Variants in MAST2 observed in about 807,000 individuals in gnomAD.
MAST2 encodes the protein microtubule associated serine/threonine kinase 2, also known as microtubule-associated serine/threonine-protein kinase 2.
In MAST2, 70 loss-of-function variants were observed where a neutral mutation model predicts 147.4. That is an observed-to-expected ratio of 0.47 (90% CI 0.39 to 0.58). The LOEUF (loss-of-function observed/expected upper bound fraction) is 0.58. Among genes scored for constraint, MAST2 ranks in the 20% least tolerant of loss-of-function variants. MAST2 has a pLI of 0.00. For synonymous variants in MAST2, 869 were observed against 896.8 expected, an observed-to-expected ratio of 0.97 and a Z score of 0.55; for missense variants, 2,080 against 2,302.3, an observed-to-expected ratio of 0.90 and a Z score of 1.98.
intron 26 of MAST2, 122 bp from the exon 27 acceptor site, chr1:46,033,680 T>C (rs754768392): frequency 1.1e-5 from 14 of 1,231,132 alleles, no homozygotes; most frequent in Non-Finnish European, 1.6e-5. Flanking sequence ...GGTTCAGATG[T>C]GTTGGTGCAG....
At chr1:45,970,954 A>G (rs1190862302) in intron 5 of MAST2, among the ~76,000 whole-genome samples, 11 of 152,146 alleles carry the variant, frequency 7.2e-5, no homozygotes, top group Admixed American at 5.2e-4. Flanking sequence ...CTGTACCACA[A>G]TGTATTCATT....
At chr1:45,977,757 G>A (rs904269553) in intron 5 of MAST2, among the ~76,000 whole-genome samples, 8 of 143,936 alleles carry the variant, frequency 5.6e-5, no homozygotes, top group Non-Finnish European at 8.9e-5. Context: ...TCAAGATCGC[G>A]CCACTACACT....
intron 4 of MAST2, among the ~76,000 whole-genome samples, chr1:45,911,656 T>G (rs1438384684): frequency 6.6e-6 from 1 of 151,962 alleles, no homozygotes; most frequent in Admixed American, 6.6e-5. Context: ...TACTTACCAT[T>G]GGCATGATCT....
At chr1:45,848,331 G>C (rs186235661) in intron 3 of MAST2, among the ~76,000 whole-genome samples, 1 of 151,760 alleles carries the variant, frequency 6.6e-6, no homozygotes, top group African/African-American at 2.4e-5. Context: ...GTGACTTACT[G>C]TGCAAACAAT....
intron 1 of MAST2, among the ~76,000 whole-genome samples, chr1:45,821,042 G>A (rs1466806021): frequency 5.9e-5 from 9 of 151,630 alleles, no homozygotes. Flanking sequence ...TGGGACCACA[G>A]GTACATGTCA....
At chr1:45,828,613 C>T (rs972121890) in intron 2 of MAST2, among the ~76,000 whole-genome samples, 3 of 151,974 alleles carry the variant, frequency 2.0e-5, no homozygotes, top group African/African-American at 4.8e-5. Flanking sequence ...AGAAATGAGA[C>T]CTTCACCTCA....
intron 4 of MAST2, among the ~76,000 whole-genome samples, chr1:45,937,756 A>C (rs1442258542): frequency 2.8e-5 from 1 of 35,816 alleles, no homozygotes; most frequent in East Asian, 4.6e-4. Context: ...CATCTCAAAA[A>C]AAAAAAAAAA....
At chr1:46,029,986 G>T in intron 20 of MAST2, 33 bp downstream of exon 20, 1 of 1,612,954 alleles carries the variant, frequency 6.2e-7, no homozygotes, top group Non-Finnish European at 8.5e-7. Context: ...TGGAGGATGG[G>T]TCCTACCTGT....
chr1:46,031,588 G>A lies in MAST2; in HGVS notation c.3187+3G>A, dbSNP rs1458172065. ...CCTCTCACTCCTCATTCCTTCGGGT[G>A]AGGCCCCTGGGGAGCTGGGATAAAA... On this transcript the variant is annotated splice_donor_region_variant and intron_variant, in intron 24 of 28. Transcript: ENST00000361297. The surrounding 1 kb of genome is among the most constrained non-coding windows in gnomAD (Gnocchi z 4.1). 6.2e-7 allele frequency: 1 copy of A among 1,609,110 alleles called. No individual in the cohort carries two copies. The highest frequency in any genetic ancestry group is 1.1e-5 in the South Asian group (1 of 90,922).
intron 4 of MAST2, among the ~76,000 whole-genome samples, chr1:45,939,159 C>T (rs1477648297): frequency 1.3e-5 from 2 of 151,426 alleles, no homozygotes; most frequent in Admixed American, 1.3e-4. Flanking sequence ...ATTTTCTACT[C>T]CTAAATTTAG....
At chr1:46,014,314 A>T (rs1168552538) in intron 10 of MAST2, among the ~76,000 whole-genome samples, 1 of 134,148 alleles carries the variant, frequency 7.5e-6, no homozygotes, top group Non-Finnish European at 1.6e-5. Flanking sequence ...TCCTAATGCT[A>T]TCCCTCCCCC....
chr1:45,873,892 C>G (rs139444353), intron 3 of MAST2, among the ~76,000 whole-genome samples: 190 of 152,298 alleles, frequency 1.2e-3, no homozygotes, highest in African/African-American at 4.3e-3. Context: ...GTGATCTTGG[C>G]TTACTGCAGC....
In MAST2 at chr1:46,035,628, G is replaced by A. The variant is rs1340303973; in HGVS notation, c.4959G>A (p.Leu1653=). 1 of 1,613,936 alleles carries A rather than the reference G, an allele frequency of 6.2e-7. No individual in the cohort carries two copies. Among genetic ancestry groups the A allele is most frequent in the East Asian group, 2.2e-5 (1 of 44,844 alleles). The part of the protein sequence containing the change: ...CSPPSSTSGK[L]SMWSWKSLIE... ...CTCCCAGCTCCACCTCTGGGAAGCT[G>A]AGCATGTGGTCCTGGAAATCCCTTA... The change falls in exon 29 of 29, where the codon CTG becomes CTA. Residue 1653 remains leucine (L), a synonymous_variant. Coordinates refer to ENST00000361297, the MANE Select transcript of MAST2 (RefSeq NM_015112.3). The surrounding 1 kb of genome is among the most constrained non-coding windows in gnomAD (Gnocchi z 5.5).
chr1:45,886,281 A>G (rs1261047861), intron 4 of MAST2, among the ~76,000 whole-genome samples: 2 of 144,646 alleles, frequency 1.4e-5, no homozygotes, highest in Non-Finnish European at 3.0e-5. Context: ...ATATTTATAT[A>G]TTGTATACAT....
intron 4 of MAST2, among the ~76,000 whole-genome samples, chr1:45,905,787 A>AG (rs1448543963): frequency 6.6e-6 from 1 of 151,782 alleles, no homozygotes; most frequent in Non-Finnish European, 1.5e-5. Context: ...AAAAAAAAAA[A>AG]ATGCCAAACT....
chr1:45,845,641 A>G (rs1212708625), intron 3 of MAST2, among the ~76,000 whole-genome samples: 1 of 152,260 alleles, frequency 6.6e-6, no homozygotes, highest in Non-Finnish European at 1.5e-5. Flanking sequence ...AAAAAGTAAC[A>G]TAATTAAAAT....
intron 3 of MAST2, among the ~76,000 whole-genome samples, chr1:45,881,661 C>G (rs1646850535): frequency 6.6e-6 from 1 of 151,984 alleles, no homozygotes; most frequent in African/African-American, 2.4e-5. Context: ...TTCTAGTTAT[C>G]ACCCACTGCC....
rs1195317126 is a variant in MAST2, at chr1:45,975,507, A to C, written c.592+16030A>C. 5.0e-4 allele frequency among the ~76,000 whole-genome samples: 75 copies of C among 149,470 alleles called. 1 individual carries two copies. Among genetic ancestry groups the C allele is most frequent in the Non-Finnish European group, 1.0e-3 (70 of 67,248 alleles). Reference sequence around the variant, plus strand: ...GTCCCTGTCTCTCCAAAAAAAAAAAAAAAAAAAAAAAAAAGCCAGGTGTGG... The same window carrying C: ...GTCCCTGTCTCTCCAAAAAAAAAAACAAAAAAAAAAAAAAGCCAGGTGTGG... On this transcript the variant is annotated intron_variant, in intron 5 of 28. Coordinates refer to ENST00000361297, the MANE Select transcript of MAST2 (RefSeq NM_015112.3).
chr1:45,925,348 T>G (rs10890372), intron 4 of MAST2, among the ~76,000 whole-genome samples: 51,535 of 152,082 alleles, frequency 0.34, 9,113 homozygotes, highest in African/African-American at 0.43. Flanking sequence ...ATGATGAACC[T>G]TAAGAGGCAT....
Sources: allele counts gnomAD v4.1 joint callset (sites outside exome capture counted in the v4.1 genomes callset), GRCh38; gene constraint gnomAD v4.1.1; non-coding constraint Gnocchi (gnomAD v3.1); transcripts MANE v1.5; gene names NCBI Gene and HGNC (gene_info 2026-07-23, HGNC 2026-07-21).